Variants in CASP8 observed in about 807,000 individuals in gnomAD.
The protein encoded by CASP8 is caspase 8, also known as caspase-8.
In CASP8, 24 loss-of-function variants were observed where a neutral mutation model predicts 46.3. The observed-to-expected ratio is 0.52, with a 90% CI of 0.38 to 0.73. The LOEUF (loss-of-function observed/expected upper bound fraction) is 0.73, where lower values mean the gene tolerates loss of function less well. CASP8 is among the 30% of genes least tolerant of loss of function. The pLI is 0.00. For synonymous variants in CASP8, 188 were observed against 200.4 expected, an observed-to-expected ratio of 0.94 and a Z score of 0.52; for missense variants, 460 against 559.0, an observed-to-expected ratio of 0.82 and a Z score of 1.79.
rs1276818565 is a variant in CASP8 at position 201,272,008 on chromosome 2, CCTTT to C, written c.411+390_411+393del. 1.3e-5 allele frequency among the ~76,000 whole-genome samples: 2 copies of C among 151,348 alleles called. No individual in the cohort carries two copies. Among genetic ancestry groups the C allele is most frequent in the Admixed American group, 1.3e-4 (2 of 15,186 alleles). ...GTGTGTATTTCCGTGTCTGTGTGTG[CCTTT>C]CTCTGTGTATAGTGTGTGTCTGTAT... On this transcript the variant is annotated intron_variant, in intron 3 of 8. Transcript: ENST00000673742. The surrounding 1 kb of genome is among the most constrained non-coding windows in gnomAD (Gnocchi z 4.4).
chr2:201,257,464 G>A (rs1377080379), upstream of CASP8, among the ~76,000 whole-genome samples: 1 of 130,282 alleles, frequency 7.7e-6, no homozygotes, highest in African/African-American at 3.0e-5. Context: ...CCTGGGCAAC[G>A]CACCGAGACT....
chr2:201,273,866 G>T (rs7564913), intron 5 of CASP8, among the ~76,000 whole-genome samples: 7,566 of 151,950 alleles, frequency 0.05, 445 homozygotes, highest in South Asian at 0.14. Flanking sequence ...GTAGAGATGG[G>T]GTTTCGCTAT....
chr2:201,235,089 ACT>A (rs1945992470), intron 2 of CASP8, among the ~76,000 whole-genome samples: 1 of 152,068 alleles, frequency 6.6e-6, no homozygotes, highest in South Asian at 2.1e-4. Context: ...ATCTTGTATA[ACT>A]CTACTGCTTG....
intron 2 of CASP8, among the ~76,000 whole-genome samples, chr2:201,235,795 G>A (rs1197923216): frequency 6.6e-6 from 1 of 152,106 alleles, no homozygotes; most frequent in Non-Finnish European, 1.5e-5. Context: ...ATATATGATG[G>A]TGGTCTCATA....
chr2:201,284,555 C>A, intron 7 of CASP8, among the ~76,000 whole-genome samples: 1 of 70,578 alleles, frequency 1.4e-5, no homozygotes, highest in Non-Finnish European at 3.2e-5. Context: ...CGCGCGCCTG[C>A]AATCGCAGGC....
At chr2:201,257,506 CAG>C (rs1244684598), upstream of CASP8, among the ~76,000 whole-genome samples, 10 of 145,806 alleles carry the variant, frequency 6.9e-5, no homozygotes, top group East Asian at 2.0e-3. Flanking sequence ...AATGAGAGAA[CAG>C]GGGAGGGTCT....
intron 5 of CASP8, among the ~76,000 whole-genome samples, chr2:201,273,350 C>T (rs570989978): frequency 2.0e-5 from 3 of 152,130 alleles, no homozygotes; most frequent in South Asian, 2.1e-4. Context: ...TGAGCCACTG[C>T]GCCCGGCCGC....
intron 2 of CASP8, among the ~76,000 whole-genome samples, chr2:201,238,957 G>T (rs1249623861): frequency 1.3e-5 from 2 of 151,866 alleles, no homozygotes; most frequent in African/African-American, 4.8e-5. Flanking sequence ...AGATTAGGGA[G>T]TGGTGATGAC....
intron 7 of CASP8, among the ~76,000 whole-genome samples, chr2:201,281,576 A>T (rs889092741): frequency 1.4e-5 from 2 of 146,882 alleles, no homozygotes; most frequent in Admixed American, 1.4e-4. Flanking sequence ...CCTTTTGTAT[A>T]AGGTCTTCTA....
intron 7 of CASP8, among the ~76,000 whole-genome samples, 166 bp from the exon 8 acceptor site, chr2:201,284,650 A>G (rs1407360780): frequency 2.0e-3 from 1 of 494 alleles, no homozygotes; most frequent in African/African-American, 4.8e-3. Context: ...TTGGCTCGGC[A>G]TGAGAGGGAG....
At chr2:201,255,157 C>T (rs1222935728) in intron 2 of CASP8, among the ~76,000 whole-genome samples, 2 of 152,160 alleles carry the variant, frequency 1.3e-5, no homozygotes, top group African/African-American at 4.8e-5. Context: ...CATCTCGGCT[C>T]ACTGCAACCT....
At chr2:201,285,863 T>C (rs1010767133) in intron 8 of CASP8, among the ~76,000 whole-genome samples, 1 of 152,216 alleles carries the variant, frequency 6.6e-6, no homozygotes, top group African/African-American at 2.4e-5. Context: ...CTGTATTTCA[T>C]GTTTTGAGTA....
In CASP8 at chr2:201,254,898, A is replaced by G. The variant is rs75276157; in HGVS notation, c.-26-11563A>G. On this transcript the variant is annotated intron_variant, in intron 2 of 6. Coordinates refer to the CASP8 transcript ENST00000264274. ...TCCATGTCCCTGCAGCTCCAGCAACACCTCCGGATCTTTCAGCTTCCCTGG... is the reference window on the plus strand; with the variant it reads ...TCCATGTCCCTGCAGCTCCAGCAACGCCTCCGGATCTTTCAGCTTCCCTGG... Among the ~76,000 whole-genome samples the G allele has an allele frequency of 1.3e-4, 20 of 152,226 alleles. No homozygotes were observed. In the East Asian group the frequency reaches 3.9e-3, roughly 29 times the overall value.
intron 2 of CASP8, among the ~76,000 whole-genome samples, chr2:201,269,321 T>A (rs1948067889): frequency 1.3e-5 from 2 of 152,008 alleles, no homozygotes; most frequent in Non-Finnish European, 2.9e-5. Context: ...CAGATAGACA[T>A]GAATTTTGGG....
intron 2 of CASP8, chr2:201,269,730 CCACTTACCATTATAAGAAAA>C: frequency 1.5e-6 from 1 of 682,060 alleles, no homozygotes; most frequent in Non-Finnish European, 2.6e-6. Flanking sequence ...GCTAGGGTGA[CCACTTACCATTATAAGAAAA>C]CACTAGACAT....
At chr2:201,252,686 G>A (rs1946838993) in intron 2 of CASP8, among the ~76,000 whole-genome samples, 1 of 152,202 alleles carries the variant, frequency 6.6e-6, no homozygotes, top group Non-Finnish European at 1.5e-5. Flanking sequence ...CATGTCAGGT[G>A]AGAGATGACT....
chr2:201,283,946 T>C (rs1164982588), intron 7 of CASP8, among the ~76,000 whole-genome samples: 1 of 17,810 alleles, frequency 5.6e-5, no homozygotes, highest in African/African-American at 1.8e-4. Flanking sequence ...GGCAGAGGGT[T>C]TCCTCACTTC....
At chr2:201,276,615 C>G (rs909552883) in intron 6 of CASP8, among the ~76,000 whole-genome samples, 3 of 152,148 alleles carry the variant, frequency 2.0e-5, no homozygotes, top group Non-Finnish European at 4.4e-5. Flanking sequence ...GCTCAGGAGG[C>G]CCAGGTATTG....
upstream of CASP8, among the ~76,000 whole-genome samples, chr2:201,257,301 G>A (rs1334091326): frequency 6.6e-6 from 1 of 151,558 alleles, no homozygotes; most frequent in East Asian, 1.9e-4. Flanking sequence ...GACCAACATG[G>A]TGAATCCCCA....
Sources: allele counts gnomAD v4.1 joint callset (sites outside exome capture counted in the v4.1 genomes callset), GRCh38; gene constraint gnomAD v4.1.1; non-coding constraint Gnocchi (gnomAD v3.1); transcripts MANE v1.5; gene names NCBI Gene and HGNC (gene_info 2026-07-23, HGNC 2026-07-21).